JAK2: variants seen among roughly 807,000 people sequenced by gnomAD.
JAK2 encodes Janus kinase 2.
A neutral mutation model predicts 139.3 loss-of-function variants in JAK2; 86 were observed. The ratio of observed to expected loss-of-function variants is 0.62; its 90% CI spans 0.52 to 0.74. The LOEUF (loss-of-function observed/expected upper bound fraction) is 0.74, where lower values mean the gene tolerates loss of function less well. Ranked by LOEUF, JAK2 falls within the 30% of genes least tolerant of loss-of-function variation. The probability of loss-of-function intolerance (pLI) is 0.00; values close to 1 mark genes in which losing one functional copy is unlikely to be tolerated. For synonymous variants in JAK2, 490 were observed against 437.7 expected (o/e 1.12, Z -1.49); for missense variants, 1,421 against 1,360.3 (o/e 1.04, Z -0.70).
At chr9:5,111,792 T>A (rs1383440571) in intron 22 of JAK2, 12 of 422,506 alleles carry the variant, frequency 2.8e-5, no homozygotes, top group Admixed American at 5.5e-5. Context: ...ACCTTCTCCT[T>A]GGCCCCCGGA....
chr9:5,064,855 G>A, intron 8 of JAK2, 28 bp from the exon 9 acceptor site: 1 of 1,484,480 alleles, frequency 6.7e-7, no homozygotes, highest in South Asian at 1.4e-5. Context: ...TCTAAAAGGT[G>A]CTATTTCTTT....
At chr9:5,001,442 G>T (rs1820922279) in intron 2 of JAK2, among the ~76,000 whole-genome samples, 1 of 152,036 alleles carries the variant, frequency 6.6e-6, no homozygotes, top group Non-Finnish European at 1.5e-5. Context: ...CAATTGGGAC[G>T]ATCTTATGGT....
rs1402299420 is a variant in JAK2, at chr9:5,035,999, A to T, written c.350+6093A>T. Among the ~76,000 whole-genome samples the T allele has an allele frequency of 4.6e-5, 7 of 152,298 alleles. No individual in the cohort carries two copies. In the East Asian group the frequency reaches 1.3e-3, roughly 29 times the overall value. ...GGAAAACCCCATCGTCTCAGCCCAA[A>T]ATCTCCTTAAGCTGATAAGCAACTT... On this transcript the variant is annotated intron_variant, in intron 4 of 24. Transcript: ENST00000381652.
chr9:5,008,482 T>G (rs1345798416), intron 2 of JAK2, among the ~76,000 whole-genome samples: 2 of 152,158 alleles, frequency 1.3e-5, no homozygotes, highest in African/African-American at 2.4e-5. Context: ...TTGTCTTGGA[T>G]AGTGGAAGAG....
At chr9:5,027,989 A>T (rs554431162) in intron 3 of JAK2, among the ~76,000 whole-genome samples, 1 of 152,324 alleles carries the variant, frequency 6.6e-6, no homozygotes, top group African/African-American at 2.4e-5. Context: ...ACTCCTGTTA[A>T]TGTTGACATT....
At chr9:5,014,801 G>A (rs999749131) in intron 2 of JAK2, among the ~76,000 whole-genome samples, 1 of 152,112 alleles carries the variant, frequency 6.6e-6, no homozygotes, top group Non-Finnish European at 1.5e-5. Flanking sequence ...CCCACCCCAG[G>A]AACTAGAATG....
chr9:5,034,280 A>C (rs1196153378), intron 4 of JAK2, among the ~76,000 whole-genome samples: 1 of 152,182 alleles, frequency 6.6e-6, no homozygotes, highest in African/African-American at 2.4e-5. Context: ...AGACTTCCAC[A>C]CAATAATAAT....
chr9:5,093,422 C>T (rs554720167), intron 22 of JAK2, among the ~76,000 whole-genome samples: 31 of 152,220 alleles, frequency 2.0e-4, no homozygotes, highest in African/African-American at 7.0e-4. Flanking sequence ...AGAAGAATGG[C>T]CACATGAGGG....
At chr9:5,111,178 C>T (rs1476777480) in intron 22 of JAK2, 2 of 711,438 alleles carry the variant, frequency 2.8e-6, no homozygotes, top group Non-Finnish European at 2.4e-6. Context: ...CAGCCACTCT[C>T]CATTCACATT....
chr9:5,096,265 A>G (rs2130716245), intron 22 of JAK2, among the ~76,000 whole-genome samples: 1 of 152,312 alleles, frequency 6.6e-6, no homozygotes, highest in South Asian at 2.1e-4. Flanking sequence ...TATAACTTAG[A>G]AATTTAGGTT....
At chr9:4,990,250 C>G (rs142155548) in intron 2 of JAK2, among the ~76,000 whole-genome samples, 1 of 152,210 alleles carries the variant, frequency 6.6e-6, no homozygotes, top group African/African-American at 2.4e-5. Flanking sequence ...ACATCTAAGT[C>G]TATATGTTTT....
chr9:5,038,662 T>C (rs1305409769), intron 4 of JAK2, among the ~76,000 whole-genome samples: 1 of 151,578 alleles, frequency 6.6e-6, no homozygotes, highest in African/African-American at 2.4e-5. Flanking sequence ...ATACCTAATA[T>C]AAAAATCTAA....
intron 22 of JAK2, chr9:5,111,709 C>A (rs920172986): frequency 2.8e-5 from 12 of 432,182 alleles, no homozygotes; most frequent in Non-Finnish European, 5.1e-5. Flanking sequence ...CGTTTGGCGG[C>A]CTGCACCAGC....
chr9:5,104,055 A>G (rs1445050816), intron 22 of JAK2, among the ~76,000 whole-genome samples: 2 of 152,208 alleles, frequency 1.3e-5, no homozygotes, highest in Non-Finnish European at 2.9e-5. Flanking sequence ...GAAGGCAAGA[A>G]ATAACTAAGA....
Position 4,999,468 on chromosome 9 carries a change from A to G in JAK2, c.-26+13446A>G, listed in dbSNP as rs114086601. ...AGTCAAAGGGGCAAAAAAGATTACA[A>G]ATGCTTATTGTGATTGACAGAACTT... On this transcript the variant is annotated intron_variant, in intron 2 of 24. Transcript: ENST00000381652. 7.4e-3 allele frequency among the ~76,000 whole-genome samples: 1,123 copies of G among 152,340 alleles called. 13 individuals carry two copies. Among genetic ancestry groups the G allele is most frequent in the African/African-American group, 0.026 (1,083 of 41,576 alleles).
rs1448337164 is a variant in JAK2, at chr9:4,991,688, C to G, written c.-26+5666C>G. ...ACAAAAACCAGCAAACTCTTTCCCA[C>G]CCCCCCACCCCACATCTCCTTTTCT... is the stretch of plus-strand genomic sequence containing the variant. On this transcript the variant is annotated intron_variant, in intron 2 of 24. Transcript: ENST00000381652. Among the ~76,000 whole-genome samples, 6 of 118,440 alleles carry G rather than the reference C, an allele frequency of 5.1e-5. No homozygotes were observed. The East Asian group carries it at 1.5e-3, about 30-fold the overall frequency. 77.7% of individuals were successfully genotyped at this position (118,440 alleles called of 152,430 possible). A position where few individuals can be genotyped will look rare whatever the true frequency, so the allele number is the denominator to read the frequency against.
intron 4 of JAK2, among the ~76,000 whole-genome samples, chr9:5,036,701 A>G (rs1823630962): frequency 6.6e-6 from 1 of 152,246 alleles, no homozygotes; most frequent in Non-Finnish European, 1.5e-5. Flanking sequence ...CACCTTATAC[A>G]AAAATTAATT....
intron 4 of JAK2, among the ~76,000 whole-genome samples, chr9:5,031,051 T>C (rs1049643429): frequency 1.3e-5 from 2 of 151,944 alleles, no homozygotes; most frequent in African/African-American, 2.4e-5. Flanking sequence ...CAGAAGACAG[T>C]ATAGGAAAAT....
chr9:4,985,722 G>C (rs187275021), intron 1 of JAK2, 92 bp downstream of exon 1: 32 of 152,688 alleles, frequency 2.1e-4, no homozygotes, highest in African/African-American at 7.5e-4. Flanking sequence ...CCCCCTGCTA[G>C]TGGCAGCAAA....
Sources: gnomAD v4.1 joint callset for allele counts (sites outside exome capture counted in the v4.1 genomes callset) on GRCh38, gnomAD v4.1.1 for gene constraint, MANE v1.5 for transcripts, NCBI Gene and HGNC (gene_info 2026-07-23, HGNC 2026-07-21) for gene names.